Variants in CERT1 observed in about 807,000 individuals in gnomAD.
CERT1 encodes the protein ceramide transporter 1.
Under a neutral mutation model 87.9 loss-of-function variants are expected in CERT1, and 31 were observed. The ratio of observed to expected loss-of-function variants is 0.35; its 90% confidence interval spans 0.27 to 0.48. The LOEUF is 0.48. CERT1 is among the 20% of genes least tolerant of loss of function. The pLI, the probability that CERT1 is intolerant of heterozygous loss-of-function variation, is 0.99. For synonymous variants in CERT1, 289 were observed against 250.9 expected (o/e 1.15, Z -1.44); for missense variants, 487 against 758.0 (o/e 0.64, Z 4.20).
chr5:75,374,604 G>A (rs58519566), downstream of CERT1: 91,056 of 686,048 alleles, frequency 0.13, 6,875 homozygotes, highest in South Asian at 0.22. Context: ...AGTGAAGGTC[G>A]CAGCAGTCAG....
intron 2 of CERT1, among the ~76,000 whole-genome samples, chr5:75,484,514 T>C (rs1289956637): frequency 7.1e-6 from 1 of 141,254 alleles, no homozygotes; most frequent in Non-Finnish European, 1.5e-5. Flanking sequence ...GAAATACACG[T>C]CATCTATAAA....
chr5:75,510,431 T>TTA (rs1003829305), intron 1 of CERT1, among the ~76,000 whole-genome samples: 18 of 152,110 alleles, frequency 1.2e-4, no homozygotes, highest in Admixed American at 7.2e-4. Context: ...CCTCGACCCC[T>TTA]TACCGCAAAA....
chr5:75,407,272 G>A (rs969418430), intron 8 of CERT1, among the ~76,000 whole-genome samples: 1 of 151,788 alleles, frequency 6.6e-6, no homozygotes, highest in Non-Finnish European at 1.5e-5. Context: ...AACTCCAGAT[G>A]TATTAATATA....
intron 2 of CERT1, among the ~76,000 whole-genome samples, chr5:75,504,918 A>G (rs1297256802): frequency 1.3e-5 from 2 of 152,200 alleles, no homozygotes; most frequent in Admixed American, 6.5e-5. Flanking sequence ...TAGTTCTTAC[A>G]TATCTTAAAC....
At chr5:75,506,199 T>C in intron 1 of CERT1, 83 bp from the exon 2 acceptor site, 4 of 1,364,528 alleles carry the variant, frequency 2.9e-6, no homozygotes, top group Non-Finnish European at 4.0e-6. Flanking sequence ...GAAACAGCAA[T>C]CTAATTTTAA....
chr5:75,509,836 A>C (rs1168011335), intron 1 of CERT1, among the ~76,000 whole-genome samples: 1 of 152,178 alleles, frequency 6.6e-6, no homozygotes, highest in Non-Finnish European at 1.5e-5. Flanking sequence ...AGAGATTCCT[A>C]AATTACAGGA....
chr5:75,509,805 C>G (rs1767833542), intron 1 of CERT1, among the ~76,000 whole-genome samples: 1 of 152,076 alleles, frequency 6.6e-6, no homozygotes, highest in South Asian at 2.1e-4. Flanking sequence ...AAATGTATAC[C>G]TACTACACAA....
chr5:75,452,823 T>C (rs1426711935), intron 3 of CERT1, among the ~76,000 whole-genome samples: 3 of 152,166 alleles, frequency 2.0e-5, no homozygotes, highest in Non-Finnish European at 4.4e-5. Flanking sequence ...GGCTAAGATA[T>C]TTAAAACAAA....
At chr5:75,450,079 A>C (rs1764714161) in intron 3 of CERT1, among the ~76,000 whole-genome samples, 1 of 152,216 alleles carries the variant, frequency 6.6e-6, no homozygotes, top group South Asian at 2.1e-4. Flanking sequence ...CCCAGACAGA[A>C]GAACCCACCT....
intron 3 of CERT1, among the ~76,000 whole-genome samples, chr5:75,444,783 G>T (rs1208928316): frequency 6.6e-6 from 1 of 151,950 alleles, no homozygotes; most frequent in Non-Finnish European, 1.5e-5. Context: ...TTGACCTCGT[G>T]ATCTGCCCGC....
chr5:75,433,827 T>C (rs577745942), intron 3 of CERT1, among the ~76,000 whole-genome samples: 1 of 152,196 alleles, frequency 6.6e-6, no homozygotes, highest in Non-Finnish European at 1.5e-5. Context: ...TGGCTTGTGG[T>C]ACTGATTTTT....
rs1762779995 is a variant in CERT1 at position 75,407,897 on chromosome 5, TG to T, written c.930+3113del. On this transcript the variant is annotated intron_variant, in intron 8 of 16. Coordinates refer to ENST00000643780, the MANE Select transcript of CERT1 (RefSeq NM_001379029.1). Reference sequence around the variant, plus strand: ...TGGCACAATTGTTTTTTTTTTATTATGGTAAAAAAAAAAAACATAAAATTGA... The same window carrying T: ...TGGCACAATTGTTTTTTTTTTATTATGTAAAAAAAAAAAACATAAAATTGA... 2.0e-5 allele frequency among the ~76,000 whole-genome samples: 3 copies of T among 147,226 alleles called. No individual in the cohort carries two copies. The South Asian group carries it at 6.3e-4, about 31-fold the overall frequency.
chr5:75,397,216 C>A (rs1229489785), intron 11 of CERT1, among the ~76,000 whole-genome samples: 1 of 152,124 alleles, frequency 6.6e-6, no homozygotes, highest in Non-Finnish European at 1.5e-5. Context: ...ACTTGAAGAC[C>A]TTAATGTTAT....
At chr5:75,429,642 C>A (rs1014038992) in intron 3 of CERT1, among the ~76,000 whole-genome samples, 1 of 152,000 alleles carries the variant, frequency 6.6e-6, no homozygotes, top group African/African-American at 2.4e-5. Flanking sequence ...TCTAAACGCA[C>A]CCCTATACTG....
intron 2 of CERT1, among the ~76,000 whole-genome samples, chr5:75,502,935 C>T (rs1345444117): frequency 1.3e-5 from 2 of 152,010 alleles, no homozygotes; most frequent in African/African-American, 2.4e-5. Flanking sequence ...TGTCTTTCTA[C>T]AAACACTTAT....
intron 2 of CERT1, among the ~76,000 whole-genome samples, chr5:75,476,170 G>A (rs1362369133): frequency 3.3e-5 from 5 of 152,058 alleles, no homozygotes; most frequent in Non-Finnish European, 7.4e-5. Flanking sequence ...AAAGAAACAA[G>A]CTTTAGATAA....
At chr5:75,421,488 T>C (rs181845589) in intron 5 of CERT1, among the ~76,000 whole-genome samples, 26 of 152,368 alleles carry the variant, frequency 1.7e-4, no homozygotes, top group Non-Finnish European at 3.1e-4. Flanking sequence ...TATTCAATTC[T>C]TTTTCTTTTC....
chr5:75,438,636 T>C (rs2112236080), intron 3 of CERT1, among the ~76,000 whole-genome samples: 1 of 152,290 alleles, frequency 6.6e-6, no homozygotes, highest in South Asian at 2.1e-4. Context: ...AAAACATAAA[T>C]TCTACCAAAA....
upstream of CERT1, chr5:75,511,658 C>G: frequency 1.3e-6 from 2 of 1,514,664 alleles, no homozygotes; most frequent in Non-Finnish European, 1.8e-6. Flanking sequence ...CTTTCCCCTC[C>G]CCTTCGTCCT....
Sources: gnomAD v4.1 joint callset for allele counts (sites outside exome capture counted in the v4.1 genomes callset) on GRCh38, gnomAD v4.1.1 for gene constraint, MANE v1.5 for transcripts, NCBI Gene and HGNC (gene_info 2026-07-23, HGNC 2026-07-21) for gene names.